The following PRRG1 variants were observed in gnomAD, a reference collection of about 807,000 sequenced individuals.
PRRG1 encodes the protein proline rich and Gla domain 1.
In PRRG1, 5 loss-of-function variants were observed where a neutral mutation model predicts 11.8. That is an observed-to-expected ratio of 0.42 (90% confidence interval 0.22 to 0.89). The LOEUF (loss-of-function observed/expected upper bound fraction) is 0.89. Ranked by LOEUF, PRRG1 falls within the 40% of genes least tolerant of loss-of-function variation. The pLI is 0.28. For missense variants in PRRG1, 155 were observed against 166.1 expected, an observed-to-expected ratio of 0.93 and a Z score of 0.37; for synonymous variants, 66 against 60.4, an observed-to-expected ratio of 1.09 and a Z score of -0.43.
At chrX:37,387,130 C>G (rs1263610488) in intron 1 of PRRG1, among the ~76,000 whole-genome samples, 1 of 111,566 alleles carries the variant, frequency 9.0e-6, no homozygotes, top group Non-Finnish European at 1.9e-5. Flanking sequence ...GAGAGATACC[C>G]AAAATAGAAC....
chrX:37,403,567 C>A (rs1208061576), intron 1 of PRRG1, among the ~76,000 whole-genome samples: 2 of 106,247 alleles, frequency 1.9e-5, no homozygotes, highest in East Asian at 3.0e-4. Flanking sequence ...CAGCATGGCA[C>A]ATGTATACAT....
rs1479058282 is a variant in PRRG1, at chrX:37,449,592, A to G, written c.172-3544A>G. On this transcript the variant is annotated intron_variant, in intron 3 of 3. Coordinates refer to ENST00000378628, the MANE Select transcript of PRRG1 (RefSeq NM_001142395.2). ...TACCTCTTGGGGCTCTTCCCTCTGA[A>G]ATGGTTGTCGGACCTCTCTGGCAGC... Among the ~76,000 whole-genome samples the G allele has an allele frequency of 3.6e-5, 4 of 112,153 alleles. No homozygotes were observed. In the East Asian group the frequency reaches 8.4e-4, roughly 24 times the overall value.
At chrX:37,380,208 G>A (rs1952672471) in intron 1 of PRRG1, among the ~76,000 whole-genome samples, 2 of 111,651 alleles carry the variant, frequency 1.8e-5, no homozygotes, top group South Asian at 7.5e-4. Context: ...TCTTCTTGTA[G>A]TAGAAAAGCA....
At chrX:37,409,179 G>A (rs5917580) in intron 2 of PRRG1, among the ~76,000 whole-genome samples, 33,055 of 110,918 alleles carry the variant, frequency 0.3, 7,081 homozygotes, top group African/African-American at 0.77. Flanking sequence ...CAGTATTCTT[G>A]TAATAAAATA....
intron 3 of PRRG1, chrX:37,440,688 A>C: frequency 6.3e-6 from 3 of 476,046 alleles, no homozygotes; most frequent in Middle Eastern, 5.7e-4. Flanking sequence ...AAAAATTATA[A>C]TTCCCTATTA....
At chrX:37,436,957 G>A (rs782593992) in intron 3 of PRRG1, among the ~76,000 whole-genome samples, 29 of 112,146 alleles carry the variant, frequency 2.6e-4, no homozygotes, top group African/African-American at 8.7e-4. Flanking sequence ...AGGCTTCCTC[G>A]CTACTTCTTT....
Position 37,453,156 on chromosome X carries a change from C to T in PRRG1, c.192C>T (p.Tyr64=). The change falls in exon 4 of 4, where the codon TAC becomes TAT. Residue 64 remains tyrosine, a synonymous_variant. Transcript: ENST00000378628. The stretch of plus-strand genomic sequence containing the variant: ...TTCAGAAGGAGTTTTGGAGCACCTA[C>T]ACAAAAGCGCAACAAGGGGAGAGTA... The part of the protein sequence containing the change: ...NEKTKEFWST[Y]TKAQQGESNR... 8.3e-7 allele frequency: 1 copy of T among 1,205,647 alleles called. No homozygotes were observed. The highest frequency in any genetic ancestry group is 1.1e-6 in the Non-Finnish European group (1 of 890,894).
At chrX:37,398,568 G>C (rs1483358074) in intron 1 of PRRG1, among the ~76,000 whole-genome samples, 1 of 112,282 alleles carries the variant, frequency 8.9e-6, no homozygotes, top group Non-Finnish European at 1.9e-5. Flanking sequence ...CTAAAAAGCA[G>C]AGCGCCTTTC....
intron 3 of PRRG1, among the ~76,000 whole-genome samples, chrX:37,431,977 A>G (rs1365677437): frequency 1.8e-5 from 2 of 109,100 alleles, no homozygotes; most frequent in African/African-American, 6.7e-5. Context: ...GGATCTCACC[A>G]TGTTGCCCAG....
At chrX:37,441,321 T>C (rs1556393686) in intron 3 of PRRG1, 1 of 755,946 alleles carries the variant, frequency 1.3e-6, no homozygotes, top group Non-Finnish European at 1.6e-6. Flanking sequence ...GGTCAGACAG[T>C]GCAGAGTTCA....
At chrX:37,388,378 G>A (rs1931407672) in intron 1 of PRRG1, among the ~76,000 whole-genome samples, 1 of 112,963 alleles carries the variant, frequency 8.9e-6, no homozygotes, top group African/African-American at 3.2e-5. Context: ...GGTTCCCCAT[G>A]TGGGCTCTGC....
intron 1 of PRRG1, among the ~76,000 whole-genome samples, chrX:37,360,870 A>G (rs1337648498): frequency 8.9e-6 from 1 of 112,616 alleles, no homozygotes; most frequent in Non-Finnish European, 1.9e-5. Context: ...TGAATCTCCT[A>G]AGGAAATAAC....
At chrX:37,397,778 G>C (rs1395296177) in intron 1 of PRRG1, among the ~76,000 whole-genome samples, 2 of 110,981 alleles carry the variant, frequency 1.8e-5, no homozygotes, top group East Asian at 2.8e-4. Flanking sequence ...GAACCTGCTT[G>C]TAGAGGGTAT....
At chrX:37,357,393 T>C (rs1428504632) in intron 1 of PRRG1, among the ~76,000 whole-genome samples, 2 of 112,070 alleles carry the variant, frequency 1.8e-5, no homozygotes, top group Non-Finnish European at 3.8e-5. Context: ...TGGACATAGA[T>C]TTTCAATTCA....
At chrX:37,429,428 T>A (rs1000880916) in intron 3 of PRRG1, among the ~76,000 whole-genome samples, 1 of 111,658 alleles carries the variant, frequency 9.0e-6, no homozygotes, top group Admixed American at 9.5e-5. Context: ...CTTTCTCAAG[T>A]TCAAAGTTCC....
chrX:37,398,892 T>G (rs1199383763), intron 1 of PRRG1, among the ~76,000 whole-genome samples: 1 of 110,103 alleles, frequency 9.1e-6, no homozygotes, highest in Non-Finnish European at 1.9e-5. Flanking sequence ...TGATGGAAGA[T>G]GAAATGAATG....
chrX:37,351,123 A>G (rs1556364746), intron 1 of PRRG1, among the ~76,000 whole-genome samples: 1 of 111,482 alleles, frequency 9.0e-6, no homozygotes, highest in African/African-American at 3.3e-5. Flanking sequence ...TTACCCTTGT[A>G]CCTAGAGCTG....
At chrX:37,383,752 A>T (rs1931227038) in intron 1 of PRRG1, among the ~76,000 whole-genome samples, 1 of 111,195 alleles carries the variant, frequency 9.0e-6, no homozygotes, top group African/African-American at 3.3e-5. Context: ...AAAATACCTG[A>T]ACTTCTTATA....
chrX:37,394,564 A>G (rs1931653092), intron 1 of PRRG1, among the ~76,000 whole-genome samples: 1 of 112,129 alleles, frequency 8.9e-6, no homozygotes, highest in Admixed American at 9.4e-5. Context: ...GTGGCTAAAA[A>G]GTAAAGTCAA....
Sources: allele counts gnomAD v4.1 joint callset (sites outside exome capture counted in the v4.1 genomes callset), GRCh38; gene constraint gnomAD v4.1.1; transcripts MANE v1.5; gene names NCBI Gene and HGNC (gene_info 2026-07-23, HGNC 2026-07-21).